NTRK2: variants seen among roughly 807,000 people sequenced by gnomAD.
NTRK2 encodes the protein neurotrophic receptor tyrosine kinase 2.
NTRK2 carries 13 observed loss-of-function variants against 94.5 expected under a neutral mutation model. The ratio of observed to expected loss-of-function variants is 0.14; its 90% CI spans 0.09 to 0.22. NTRK2 has a LOEUF of 0.22. Among genes scored for constraint, NTRK2 ranks in the 10% least tolerant of loss-of-function variants. NTRK2 has a pLI of 1.00. For missense variants in NTRK2, 639 were observed against 1,071.2 expected (o/e 0.60, Z 5.63); for synonymous variants, 372 against 407.4 (o/e 0.91, Z 1.05).
At chr9:84,810,777 C>T (rs199618563) in intron 12 of NTRK2, 1 of 1,430,612 alleles carries the variant, frequency 7.0e-7, no homozygotes, top group Non-Finnish European at 9.2e-7. Flanking sequence ...TTGGGGAACA[C>T]CAATGCAGAG....
rs182984231 is a variant in NTRK2 at position 85,021,529 on chromosome 9, C to A, written c.*92C>A. 8.8e-6 allele frequency: 11 copies of A among 1,256,046 alleles called. No individual in the cohort carries two copies. In the East Asian group the frequency reaches 1.9e-4, roughly 21 times the overall value. 77.8% of individuals were successfully genotyped at this position (1,256,046 alleles called of 1,614,324 possible). On this transcript the variant is annotated 3_prime_UTR_variant, in exon 19 of 19. Coordinates refer to ENST00000277120, the MANE Select transcript of NTRK2 (RefSeq NM_006180.6). ...TTAACTGCCGCTGGAGGCCACCAAG[C>A]TGCTCTCCTTCACTCTGACAGTATT...
At chr9:84,706,518 TTTGTTTTTG>T (rs2061081179) in intron 4 of NTRK2, among the ~76,000 whole-genome samples, 1 of 109,028 alleles carries the variant, frequency 9.2e-6, no homozygotes, top group Non-Finnish European at 1.7e-5. Flanking sequence ...TGTGTTATTT[TTTGTTTTTG>T]TTTTTTTTTT....
At chr9:84,736,764 A>G (rs1379015351) in intron 9 of NTRK2, among the ~76,000 whole-genome samples, 1 of 152,174 alleles carries the variant, frequency 6.6e-6, no homozygotes, top group African/African-American at 2.4e-5. Context: ...AGCCAATGCT[A>G]TTATCCTCTC....
chr9:84,677,222 A>G (rs886766208), intron 2 of NTRK2, among the ~76,000 whole-genome samples: 8 of 152,108 alleles, frequency 5.3e-5, no homozygotes, highest in African/African-American at 1.7e-4. Flanking sequence ...AGCCCTTTCG[A>G]TGAGGTCTGT....
chr9:84,979,747 G>A (rs530608892), intron 17 of NTRK2, among the ~76,000 whole-genome samples: 2 of 152,244 alleles, frequency 1.3e-5, no homozygotes, highest in African/African-American at 4.8e-5. Flanking sequence ...TTTCACTGTT[G>A]TATTATTTTA....
At chr9:84,699,723 A>T (rs2060605544) in intron 2 of NTRK2, among the ~76,000 whole-genome samples, 1 of 148,116 alleles carries the variant, frequency 6.8e-6, no homozygotes, top group African/African-American at 2.5e-5. Flanking sequence ...CTCCGTTGAT[A>T]TCTCTTTATT....
At chr9:84,698,395 A>C (rs2060520205) in intron 2 of NTRK2, among the ~76,000 whole-genome samples, 1 of 152,042 alleles carries the variant, frequency 6.6e-6, no homozygotes, top group Admixed American at 6.6e-5. Flanking sequence ...ATATATATAT[A>C]TATATATCAC....
intron 14 of NTRK2, among the ~76,000 whole-genome samples, chr9:84,901,867 T>C (rs983510927): frequency 2.0e-5 from 3 of 152,120 alleles, no homozygotes; most frequent in Non-Finnish European, 4.4e-5. Context: ...ATGCATGTTA[T>C]TTTAGTAATA....
chr9:85,016,091 T>C (rs1167166542), intron 17 of NTRK2, among the ~76,000 whole-genome samples: 5 of 152,214 alleles, frequency 3.3e-5, no homozygotes, highest in Non-Finnish European at 7.3e-5. Context: ...TTCGTAAATG[T>C]TGAAGACTGA....
At chr9:84,986,658 G>A (rs1016369303) in intron 17 of NTRK2, among the ~76,000 whole-genome samples, 1 of 151,874 alleles carries the variant, frequency 6.6e-6, no homozygotes, top group African/African-American at 2.4e-5. Flanking sequence ...AAAGTGTCAT[G>A]GTTGTTTATG....
chr9:84,826,249 T>C (rs1391930359), intron 12 of NTRK2, among the ~76,000 whole-genome samples: 1 of 152,166 alleles, frequency 6.6e-6, no homozygotes, highest in Non-Finnish European at 1.5e-5. Flanking sequence ...TGAGGGTCTC[T>C]CTTAGTTTCC....
intron 12 of NTRK2, among the ~76,000 whole-genome samples, chr9:84,758,747 C>T (rs564538262): frequency 1.3e-4 from 20 of 152,068 alleles, no homozygotes; most frequent in African/African-American, 4.1e-4. Context: ...TTTTCAGAGA[C>T]GTATAGAATA....
intron 17 of NTRK2, among the ~76,000 whole-genome samples, chr9:84,961,838 G>A (rs546289875): frequency 6.6e-6 from 1 of 152,300 alleles, no homozygotes; most frequent in African/African-American, 2.4e-5. Context: ...GGGTTCTCAG[G>A]GACACAACGT....
intron 17 of NTRK2, among the ~76,000 whole-genome samples, chr9:84,999,237 G>A (rs989352450): frequency 6.6e-6 from 1 of 152,110 alleles, no homozygotes. Flanking sequence ...TTTTACAATT[G>A]CCTGGGCTCC....
At chr9:84,722,762 A>C (rs1173586298) in intron 6 of NTRK2, among the ~76,000 whole-genome samples, 1 of 152,232 alleles carries the variant, frequency 6.6e-6, no homozygotes, top group African/African-American at 2.4e-5. Flanking sequence ...AAAATTACAC[A>C]TAGCTTTTGA....
chr9:84,777,639 G>T (rs1464759522), intron 12 of NTRK2, among the ~76,000 whole-genome samples: 2 of 152,148 alleles, frequency 1.3e-5, no homozygotes, highest in African/African-American at 4.8e-5. Flanking sequence ...TGGGGTTGGG[G>T]TCCTAATTTG....
At chr9:85,018,701 T>C (rs1832508053) in intron 17 of NTRK2, among the ~76,000 whole-genome samples, 1 of 152,200 alleles carries the variant, frequency 6.6e-6, no homozygotes, top group East Asian at 1.9e-4. Context: ...TCCTTTCTGG[T>C]TGGTCAGTGT....
intron 17 of NTRK2, among the ~76,000 whole-genome samples, chr9:84,984,666 CA>C (rs1301219678): frequency 6.6e-6 from 1 of 152,124 alleles, no homozygotes; most frequent in African/African-American, 2.4e-5. Flanking sequence ...TATGATACAG[CA>C]AAAATAGTTT....
chr9:84,833,474 G>T (rs1477544673), intron 12 of NTRK2, among the ~76,000 whole-genome samples: 1 of 149,160 alleles, frequency 6.7e-6, no homozygotes, highest in Non-Finnish European at 1.5e-5. Flanking sequence ...AAGGAAAAAA[G>T]GAAGGAACAG....
Sources: allele counts gnomAD v4.1 joint callset (sites outside exome capture counted in the v4.1 genomes callset), GRCh38; gene constraint gnomAD v4.1.1; transcripts MANE v1.5; gene names NCBI Gene and HGNC (gene_info 2026-07-23, HGNC 2026-07-21).